TPRG1: variants seen among roughly 807,000 people sequenced by gnomAD.
TPRG1 encodes the protein tumor protein p63 regulated 1, also known as tumor protein p63-regulated gene 1 protein.
A neutral mutation model predicts 29.3 loss-of-function variants in TPRG1; 29 were observed. The ratio of observed to expected loss-of-function variants is 0.99; its 90% confidence interval spans 0.74 to 1.35. TPRG1 has a LOEUF of 1.35. Ranked by LOEUF, TPRG1 falls within the 40% of genes most tolerant of loss-of-function variation. TPRG1 has a pLI of 0.00. For missense variants in TPRG1, 327 were observed against 335.0 expected, an observed-to-expected ratio of 0.98 and a Z score of 0.19; for synonymous variants, 130 against 116.8, an observed-to-expected ratio of 1.11 and a Z score of -0.73.
intron 4 of TPRG1, among the ~76,000 whole-genome samples, chr3:189,243,425 C>A (rs980336731): frequency 4.6e-5 from 7 of 152,214 alleles, no homozygotes; most frequent in South Asian, 2.1e-4. Flanking sequence ...GGAGGACCCC[C>A]CAAGGAGGTC....
chr3:189,324,080 T>C lies in TPRG1; in HGVS notation c.*3260T>C, dbSNP rs1441577382. The C allele has an allele frequency of 6.6e-6, 1 of 152,130 alleles. No individual in the cohort carries two copies. Among genetic ancestry groups the C allele is most frequent in the African/African-American group, 2.4e-5 (1 of 41,436 alleles). 9.4% of individuals were successfully genotyped at this position (152,130 alleles called of 1,614,324 possible). On this transcript the variant is annotated 3_prime_UTR_variant, in exon 6 of 6. Transcript: ENST00000345063. ...TGTTTGGAGGCCTGACCTTTGGTCA[T>C]CTTAAGGTCATCTAAGGCAGAAAAG...
At position 189,238,661 on chromosome 3, in the gene TPRG1, A is replaced by G; in HGVS notation, c.303-72A>G. 5 of 1,302,324 alleles carry G rather than the reference A, an allele frequency of 3.8e-6. No homozygotes were observed. The South Asian group carries it at 7.0e-5, about 18-fold the overall frequency. 80.7% of individuals were successfully genotyped at this position (1,302,324 alleles called of 1,614,324 possible). A position where few individuals can be genotyped will look rare whatever the true frequency, so the allele number is the denominator to read the frequency against. ...AAACTTCACTGTTTTCTGTGCTAGGAGAGATGTGAAGGTCATTGCTTTTAA... is the reference window on the plus strand; with the variant it reads ...AAACTTCACTGTTTTCTGTGCTAGGGGAGATGTGAAGGTCATTGCTTTTAA... On this transcript the variant is annotated intron_variant, in intron 3 of 5. Coordinates refer to ENST00000345063, the MANE Select transcript of TPRG1 (RefSeq NM_198485.4).
rs548098886 is a variant in TPRG1 at position 189,275,921 on chromosome 3, A to G, written c.480-34465A>G. ...TACCTCAAAGTCTTCAGTGGGGAAG[A>G]GAGGCAAATACAATAATTTTCATAA... is the stretch of plus-strand genomic sequence containing the variant. On this transcript the variant is annotated intron_variant, in intron 4 of 5. Transcript: ENST00000345063. Among the ~76,000 whole-genome samples, 8 of 152,316 alleles carry G rather than the reference A, an allele frequency of 5.3e-5. No homozygotes were observed. The East Asian group carries it at 1.5e-3, about 29-fold the overall frequency.
At chr3:189,298,324 G>T (rs1720288886) in intron 4 of TPRG1, among the ~76,000 whole-genome samples, 1 of 152,182 alleles carries the variant, frequency 6.6e-6, no homozygotes, top group African/African-American at 2.4e-5. Context: ...TCTTGTGATT[G>T]ACTTTGCAGG....
At chr3:189,209,730 A>G (rs993185692) in intron 2 of TPRG1, among the ~76,000 whole-genome samples, 1 of 152,232 alleles carries the variant, frequency 6.6e-6, no homozygotes, top group African/African-American at 2.4e-5. Context: ...AGTAGAATTT[A>G]TGGCTCCTTT....
chr3:189,145,085 C>T (rs116464699), intron 3 of TPRG1, among the ~76,000 whole-genome samples: 2,023 of 152,110 alleles, frequency 0.013, 44 homozygotes, highest in African/African-American at 0.045. Context: ...TGACACCGGC[C>T]GGGTGCGGTG....
intron 4 of TPRG1, among the ~76,000 whole-genome samples, chr3:189,081,297 C>A (rs1488247079): frequency 6.6e-6 from 1 of 152,002 alleles, no homozygotes; most frequent in African/African-American, 2.4e-5. Context: ...GAACCAAGGA[C>A]TAACCTTGGG....
At position 189,037,301 on chromosome 3, in the gene TPRG1, T is replaced by C. The variant is rs201698377; in HGVS notation, c.-463+13355T>C. ...AGAAAAGAAAAAAACATGATGAACA[T>C]GTATGATTTACCTCAGTAACATAAG... is the stretch of plus-strand genomic sequence containing the variant. On this transcript the variant is annotated intron_variant, in intron 4 of 10. Coordinates refer to the TPRG1 transcript ENST00000433971. Among the ~76,000 whole-genome samples, 83 of 151,958 alleles carry C rather than the reference T, an allele frequency of 5.5e-4. No homozygotes were observed. The East Asian group carries it at 0.011, about 20-fold the overall frequency.
At chr3:189,041,392 G>T (rs1163733754) in intron 4 of TPRG1, among the ~76,000 whole-genome samples, 1 of 152,158 alleles carries the variant, frequency 6.6e-6, no homozygotes, top group Non-Finnish European at 1.5e-5. Flanking sequence ...AGAGAGTCTC[G>T]GATTCAAATC....
intron 3 of TPRG1, among the ~76,000 whole-genome samples, chr3:189,009,393 G>T (rs1192358167): frequency 1.3e-5 from 2 of 152,052 alleles, no homozygotes; most frequent in Non-Finnish European, 2.9e-5. Context: ...TAAGAGAAGT[G>T]GGTATACTAG....
intron 4 of TPRG1, among the ~76,000 whole-genome samples, chr3:189,072,116 G>A (rs1230023339): frequency 6.6e-6 from 1 of 152,190 alleles, no homozygotes; most frequent in Non-Finnish European, 1.5e-5. Flanking sequence ...CACTGAACTT[G>A]ATTCTAAAAC....
chr3:189,300,918 T>C (rs1464855921), intron 4 of TPRG1, among the ~76,000 whole-genome samples: 1 of 152,236 alleles, frequency 6.6e-6, no homozygotes, highest in Non-Finnish European at 1.5e-5. Flanking sequence ...TGGCTCTCAC[T>C]AGTTCTGTGC....
intron 4 of TPRG1, among the ~76,000 whole-genome samples, chr3:189,244,461 C>T (rs778233523): frequency 6.6e-6 from 1 of 152,036 alleles, no homozygotes; most frequent in East Asian, 1.9e-4. Flanking sequence ...GTTCAGAGTT[C>T]TGCAGACTAT....
intron 5 of TPRG1, among the ~76,000 whole-genome samples, chr3:189,312,504 A>G (rs1407773357): frequency 6.6e-6 from 1 of 152,152 alleles, no homozygotes; most frequent in Non-Finnish European, 1.5e-5. Flanking sequence ...AATAAATACT[A>G]ACTGCCTTAG....
At chr3:189,180,806 A>G in intron 1 of TPRG1, among the ~76,000 whole-genome samples, 1 of 152,160 alleles carries the variant, frequency 6.6e-6, no homozygotes, top group East Asian at 1.9e-4. Flanking sequence ...GTGGTGCCCC[A>G]GTAGGGATTC....
intron 3 of TPRG1, among the ~76,000 whole-genome samples, chr3:189,017,976 G>T (rs1274870324): frequency 1.3e-5 from 2 of 150,986 alleles, no homozygotes; most frequent in African/African-American, 4.9e-5. Context: ...TTCTCTGATG[G>T]CCAGTGATGG....
rs750669113 is a variant in TPRG1 at position 189,254,629 on chromosome 3, G to A, written c.479+15720G>A. ...CTTTGGGCAGTACGGCCATTTTCAC[G>A]ATATTGATTCTTCCTATCCATGAGC... is the stretch of plus-strand genomic sequence containing the variant. On this transcript the variant is annotated intron_variant, in intron 4 of 5. Coordinates refer to ENST00000345063, the MANE Select transcript of TPRG1 (RefSeq NM_198485.4). Among the ~76,000 whole-genome samples, 122 of 152,220 alleles carry A rather than the reference G, an allele frequency of 8.0e-4. 1 individual carries two copies. The highest frequency in any genetic ancestry group is 1.5e-3 in the Non-Finnish European group (103 of 68,008).
chr3:189,190,145 G>C (rs1341089290), intron 1 of TPRG1, among the ~76,000 whole-genome samples: 1 of 152,178 alleles, frequency 6.6e-6, no homozygotes, highest in East Asian at 1.9e-4. Flanking sequence ...CCCACTTCTG[G>C]TGAAACCTAT....
intron 3 of TPRG1, among the ~76,000 whole-genome samples, chr3:189,229,585 T>G (rs1411293105): frequency 6.6e-6 from 1 of 152,050 alleles, no homozygotes; most frequent in Non-Finnish European, 1.5e-5. Flanking sequence ...TGATTAAAGG[T>G]CACAGGCAAG....
Sources: allele counts gnomAD v4.1 joint callset (sites outside exome capture counted in the v4.1 genomes callset), GRCh38; gene constraint gnomAD v4.1.1; transcripts MANE v1.5; gene names NCBI Gene and HGNC (gene_info 2026-07-23, HGNC 2026-07-21).